TCF12: variants seen among roughly 807,000 people sequenced by gnomAD.
TCF12 encodes DNA-binding protein HTF4.
TCF12 carries 45 observed loss-of-function variants against 86.0 expected under a neutral mutation model. The observed-to-expected ratio is 0.52, with a 90% CI of 0.41 to 0.67. The LOEUF (loss-of-function observed/expected upper bound fraction) is 0.67. Among genes scored for constraint, TCF12 ranks in the 30% least tolerant of loss-of-function variants. TCF12 has a pLI of 0.00. For missense variants in TCF12, 881 were observed against 859.9 expected, an observed-to-expected ratio of 1.02 and a Z score of -0.31; for synonymous variants, 330 against 299.6, an observed-to-expected ratio of 1.10 and a Z score of -1.05.
chr15:57,237,223 AG>A (rs1470053753), intron 12 of TCF12, among the ~76,000 whole-genome samples: 1 of 152,060 alleles, frequency 6.6e-6, no homozygotes, highest in African/African-American at 2.4e-5. Context: ...CTCTAACAAA[AG>A]AAAAGAAAAT....
At chr15:56,990,151 CTTTTTT>C (rs372235874) in intron 3 of TCF12, among the ~76,000 whole-genome samples, 8 of 92,716 alleles carry the variant, frequency 8.6e-5, no homozygotes, top group East Asian at 6.1e-4. Context: ...ATAGTCTTGT[CTTTTTT>C]TTTTTTTTTT....
At chr15:57,170,714 T>C (rs867489845) in intron 6 of TCF12, among the ~76,000 whole-genome samples, 53 of 8,822 alleles carry the variant, frequency 6.0e-3, no homozygotes, top group South Asian at 0.031. Flanking sequence ...TAATATATAA[T>C]ATATATATTA....
Position 57,063,780 on chromosome 15 carries a change from G to A in TCF12, c.179G>A (p.Trp60Ter). 6.2e-7 allele frequency: 1 copy of A among 1,602,146 alleles called. No individual in the cohort carries two copies. Among genetic ancestry groups the A allele is most frequent in the African/African-American group, 1.3e-5 (1 of 74,892 alleles). ...GIDERGGTTS[W>*]GTSGQPSPSY... ...GATGAAAGAGGAGGTACAACATCTT[G>A]GGGAACAAGTGGTCAACCAAGTCCT... The change falls in exon 4 of 21, where the codon TGG (tryptophan) becomes TAG (stop). Residue 60 changes from tryptophan to a stop codon, truncating the protein, a stop_gained. Coordinates refer to ENST00000333725, the MANE Select transcript of TCF12 (RefSeq NM_207037.2). LOFTEE classifies it high-confidence loss of function.
chr15:56,951,763 C>T (rs2061288240), intron 3 of TCF12, among the ~76,000 whole-genome samples: 1 of 152,146 alleles, frequency 6.6e-6, no homozygotes, highest in Non-Finnish European at 1.5e-5. Flanking sequence ...AATCCTCCCA[C>T]CTCAGCTTCC....
upstream of TCF12, chr15:56,918,184 G>C (rs2059590410): frequency 2.2e-6 from 1 of 456,012 alleles, no homozygotes; most frequent in Non-Finnish European, 4.4e-6. Context: ...GCCCAGCTTA[G>C]GGTGGCGTCC....
chr15:57,057,457 C>A (rs568668291), intron 3 of TCF12, among the ~76,000 whole-genome samples: 24 of 152,328 alleles, frequency 1.6e-4, no homozygotes, highest in Admixed American at 1.5e-3. Context: ...GAGAAACTCA[C>A]CCATTCTGGT....
intron 3 of TCF12, among the ~76,000 whole-genome samples, chr15:56,964,554 C>G (rs1043186626): frequency 1.3e-5 from 2 of 152,180 alleles, no homozygotes; most frequent in Non-Finnish European, 2.9e-5. Context: ...AAACACTACT[C>G]AAGTTTTACT....
intron 5 of TCF12, among the ~76,000 whole-genome samples, chr15:57,161,174 C>T (rs373815364): frequency 1.3e-5 from 2 of 152,098 alleles, no homozygotes; most frequent in East Asian, 1.9e-4. Context: ...CTGTGACTGC[C>T]GATTGTATCT....
intron 5 of TCF12, among the ~76,000 whole-genome samples, chr15:57,159,015 A>G (rs746295357): frequency 2.6e-5 from 4 of 152,244 alleles, no homozygotes; most frequent in Non-Finnish European, 4.4e-5. Context: ...AATCTGGTCA[A>G]TTAAGATCCT....
At chr15:57,109,329 C>G (rs943563159) in intron 5 of TCF12, 1 of 151,968 alleles carries the variant, frequency 6.6e-6, no homozygotes, top group Non-Finnish European at 1.5e-5. Context: ...TACTGAGATC[C>G]TGTTTTATGA....
At chr15:57,269,051 A>G (rs1186859065) in intron 18 of TCF12, among the ~76,000 whole-genome samples, 3 of 152,162 alleles carry the variant, frequency 2.0e-5, no homozygotes, top group African/African-American at 7.2e-5. Context: ...CGCTTGGTCC[A>G]GAGCTGAGTT....
At chr15:56,925,068 G>T (rs1287841885) in intron 3 of TCF12, among the ~76,000 whole-genome samples, 1 of 152,026 alleles carries the variant, frequency 6.6e-6, no homozygotes, top group Non-Finnish European at 1.5e-5. Flanking sequence ...GTGTGATGGT[G>T]GGCACCTGTA....
intron 3 of TCF12, among the ~76,000 whole-genome samples, chr15:57,043,042 C>G (rs946499944): frequency 6.6e-6 from 1 of 152,088 alleles, no homozygotes; most frequent in African/African-American, 2.4e-5. Flanking sequence ...AACATGTCAT[C>G]CTGCAGGTTC....
intron 3 of TCF12, among the ~76,000 whole-genome samples, chr15:56,993,237 A>T (rs1381094210): frequency 1.3e-5 from 2 of 152,090 alleles, no homozygotes; most frequent in Admixed American, 6.5e-5. Flanking sequence ...CAGAATGAAA[A>T]TTTTGTCATT....
At chr15:57,220,090 G>T (rs1354622878) in intron 8 of TCF12, among the ~76,000 whole-genome samples, 2 of 152,106 alleles carry the variant, frequency 1.3e-5, no homozygotes, top group Non-Finnish European at 2.9e-5. Context: ...CTACTCAATA[G>T]TTGTTGGCTT....
At chr15:57,220,369 A>G (rs1597398679) in intron 8 of TCF12, among the ~76,000 whole-genome samples, 3 of 152,208 alleles carry the variant, frequency 2.0e-5, no homozygotes, top group African/African-American at 7.2e-5. Context: ...GGAAGCAGTC[A>G]GCTAGTAAGG....
intron 18 of TCF12, among the ~76,000 whole-genome samples, chr15:57,270,346 C>T (rs1223787100): frequency 2.0e-5 from 3 of 152,142 alleles, no homozygotes; most frequent in Non-Finnish European, 4.4e-5. Context: ...TGCTTGATCG[C>T]ATCAGCTATT....
At chr15:57,170,216 G>A (rs1170702792) in intron 6 of TCF12, among the ~76,000 whole-genome samples, 1 of 151,962 alleles carries the variant, frequency 6.6e-6, no homozygotes, top group Non-Finnish European at 1.5e-5. Context: ...TTTCAACTCC[G>A]TGCCCTTATT....
At chr15:57,032,918 A>C (rs1185947131) in intron 3 of TCF12, among the ~76,000 whole-genome samples, 1 of 152,254 alleles carries the variant, frequency 6.6e-6, no homozygotes. Flanking sequence ...CCATTATGAA[A>C]ATGCTTGCAT....
Sources: allele counts gnomAD v4.1 joint callset (sites outside exome capture counted in the v4.1 genomes callset), GRCh38; gene constraint gnomAD v4.1.1; transcripts MANE v1.5; gene names NCBI Gene and HGNC (gene_info 2026-07-23, HGNC 2026-07-21).